Variants in HELZ observed in about 807,000 individuals in gnomAD.
HELZ encodes the protein ATP-dependent RNA helicase with zinc finger domain.
In HELZ, 23 loss-of-function variants were observed where a neutral mutation model predicts 218.2. The ratio of observed to expected loss-of-function variants is 0.11; its 90% CI spans 0.08 to 0.15. HELZ has a LOEUF of 0.15. HELZ is among the 10% of genes least tolerant of loss of function. The pLI is 1.00. For missense variants in HELZ, 1,813 were observed against 2,353.7 expected, an observed-to-expected ratio of 0.77 and a Z score of 4.75; for synonymous variants, 814 against 829.4, an observed-to-expected ratio of 0.98 and a Z score of 0.32.
intron 3 of HELZ, among the ~76,000 whole-genome samples, chr17:67,226,547 A>C (rs564252148): frequency 7.9e-5 from 12 of 152,324 alleles, no homozygotes; most frequent in African/African-American, 2.9e-4. Context: ...GCTAGTAGGA[A>C]TATAAAATGA....
chr17:67,178,351 A>G (rs530187426), intron 13 of HELZ, among the ~76,000 whole-genome samples: 2 of 152,272 alleles, frequency 1.3e-5, no homozygotes, highest in African/African-American at 4.8e-5. Context: ...ACTACCATTG[A>G]CTGAAAGCTT....
chr17:67,106,533 T>C (rs2037108954), intron 31 of HELZ, among the ~76,000 whole-genome samples: 1 of 152,244 alleles, frequency 6.6e-6, no homozygotes, highest in Non-Finnish European at 1.5e-5. Context: ...GGTCTCGATC[T>C]CCTGACCTCG....
At chr17:67,097,122 G>GGAACTAA (rs1213024739) in intron 31 of HELZ, among the ~76,000 whole-genome samples, 3 of 152,140 alleles carry the variant, frequency 2.0e-5, no homozygotes, top group African/African-American at 7.2e-5. Flanking sequence ...CTAAGTGATG[G>GGAACTAA]GGGAACAGCA....
intron 32 of HELZ, among the ~76,000 whole-genome samples, chr17:67,081,202 G>A (rs2036178604): frequency 6.6e-6 from 1 of 152,164 alleles, no homozygotes; most frequent in South Asian, 2.1e-4. Flanking sequence ...GCCCTTCAAT[G>A]ACTTTGTGAA....
At chr17:67,107,021 G>A in intron 31 of HELZ, 148 bp downstream of exon 31, 2 of 761,124 alleles carry the variant, frequency 2.6e-6, no homozygotes, top group Non-Finnish European at 4.1e-6. Context: ...ACAATAGGAG[G>A]GTGGCAATTA....
Position 67,212,558 on chromosome 17 carries a change from A to T in HELZ, c.247+3341T>A, listed in dbSNP as rs535528417. 2.6e-5 allele frequency among the ~76,000 whole-genome samples: 4 copies of T among 152,312 alleles called. No homozygotes were observed. The South Asian group carries it at 8.3e-4, about 32-fold the overall frequency. ...AAAGAAAAAAATTACATGTAACAGC[A>T]GAACTCTACAACTACTAATATACAT... is the stretch of plus-strand genomic sequence containing the variant. On this transcript the variant is annotated intron_variant, in intron 5 of 32. Coordinates refer to ENST00000358691, the MANE Select transcript of HELZ (RefSeq NM_014877.4).
intron 3 of HELZ, 126 bp from the exon 4 acceptor site, chr17:67,218,948 G>A (rs2040675953): frequency 1.6e-6 from 1 of 644,536 alleles, no homozygotes; most frequent in African/African-American, 1.8e-5. Context: ...TTTGATCAAG[G>A]TCACAGCTAA....
rs145072297 is a variant in HELZ at position 67,220,854 on chromosome 17, C to T, written c.-18-2032G>A. Among the ~76,000 whole-genome samples, 42 of 145,052 alleles carry T rather than the reference C, an allele frequency of 2.9e-4. 3 individuals are homozygous for T. The highest frequency in any genetic ancestry group is 1.0e-3 in the African/African-American group (41 of 39,472). Reference sequence around the variant, plus strand: ...AATTGTGTTATTAAGATAACTCCCCCCCCCCCAAAAAAAAAGAGTACTGTA... The same window carrying T: ...AATTGTGTTATTAAGATAACTCCCCTCCCCCCAAAAAAAAAGAGTACTGTA... On this transcript the variant is annotated intron_variant, in intron 3 of 32. Transcript: ENST00000358691.
Position 67,188,688 on chromosome 17 carries a change from G to T in HELZ, c.865-72C>A, listed in dbSNP as rs944496504. 1 of 1,237,994 alleles carries T rather than the reference G, an allele frequency of 8.1e-7. No individual in the cohort carries two copies. Among genetic ancestry groups the T allele is most frequent in the Admixed American group, 2.1e-5 (1 of 47,710 alleles). The allele number at this position is 1,237,994 out of a possible 1,614,324, so 76.7% of individuals were successfully genotyped here. On this transcript the variant is annotated intron_variant, in intron 11 of 32. Coordinates refer to ENST00000358691, the MANE Select transcript of HELZ (RefSeq NM_014877.4). This position sits in a 1 kb window ranked among gnomAD's most constrained non-coding sequence, Gnocchi z 4.1. ...TCCAATTGTAATTGGGCTCTTCAAT[G>T]AAAATATTTCCATAAGGGACTTTTA...
chr17:67,208,207 G>A (rs1321915336), intron 5 of HELZ, among the ~76,000 whole-genome samples: 1 of 152,004 alleles, frequency 6.6e-6, no homozygotes, highest in Non-Finnish European at 1.5e-5. Context: ...TAAAGGAATA[G>A]TACATTTCCT....
At chr17:67,091,384 T>C (rs551788919) in intron 31 of HELZ, among the ~76,000 whole-genome samples, 71 of 152,244 alleles carry the variant, frequency 4.7e-4, no homozygotes, top group African/African-American at 1.4e-3. Context: ...CCTTTCTACA[T>C]AGACTATATT....
chr17:67,125,029 G>A (rs1188050628), intron 24 of HELZ, among the ~76,000 whole-genome samples: 7 of 149,262 alleles, frequency 4.7e-5, no homozygotes, highest in African/African-American at 1.5e-4. Context: ...TCTACAGCAG[G>A]AAAAAAAAAT....
intron 31 of HELZ, among the ~76,000 whole-genome samples, chr17:67,094,410 A>G (rs2036676759): frequency 6.8e-6 from 1 of 148,092 alleles, no homozygotes; most frequent in South Asian, 2.2e-4. Flanking sequence ...AGAGAGAGAT[A>G]CAGACATACC....
chr17:67,223,216 C>T lies in HELZ; in HGVS notation c.-18-4394G>A, dbSNP rs571667766. ...CAGAGCTTGCAGTGAGCCGAGATCG[C>T]GCCACTGCACTCCAGCCTGGGCAAC... On this transcript the variant is annotated intron_variant, in intron 3 of 32. Coordinates refer to ENST00000358691, the MANE Select transcript of HELZ (RefSeq NM_014877.4). Among the ~76,000 whole-genome samples the T allele has an allele frequency of 5.3e-5, 8 of 151,678 alleles. No individual in the cohort carries two copies. The South Asian group carries it at 1.5e-3, about 28-fold the overall frequency.
chr17:67,171,324 C>A (rs2039305228), intron 13 of HELZ, among the ~76,000 whole-genome samples: 1 of 152,182 alleles, frequency 6.6e-6, no homozygotes, highest in South Asian at 2.1e-4. Flanking sequence ...ATATGCAAAA[C>A]TGACTACCTG....
chr17:67,128,554 T>C (rs1319967886), intron 24 of HELZ, 97 bp downstream of exon 24: 2 of 1,095,690 alleles, frequency 1.8e-6, no homozygotes, highest in Admixed American at 3.8e-5. Context: ...AACCTTCAAT[T>C]CCAACACTTA....
At position 67,109,619 on chromosome 17, in the gene HELZ, G is replaced by T; in HGVS notation, c.3986C>A (p.Thr1329Asn). The T allele has an allele frequency of 1.2e-6, 2 of 1,614,062 alleles. No individual in the cohort carries two copies. Among genetic ancestry groups the T allele is most frequent in the Non-Finnish European group, 1.7e-6 (2 of 1,180,000 alleles). ...GAGATTATCTTTGCGAGGAAATTTG[G>T]TACTGGGATAAACAACACTAGGACG... is the stretch of plus-strand genomic sequence containing the variant. ...ESRPSVVYPS[T>N]KFPRKDNLNP... Residue 1329 changes from threonine (T) to asparagine (N), a missense_variant, in exon 29 of 33, where the codon ACC becomes AAC. Coordinates refer to ENST00000358691, the MANE Select transcript of HELZ (RefSeq NM_014877.4).
intron 32 of HELZ, among the ~76,000 whole-genome samples, chr17:67,083,705 T>C (rs117463874): frequency 0.011 from 1,669 of 152,334 alleles, 19 homozygotes; most frequent in South Asian, 0.018. Context: ...AAAGAAAATG[T>C]CTGCTAAAGT....
intron 32 of HELZ, among the ~76,000 whole-genome samples, chr17:67,085,039 G>A (rs944359623): frequency 4.6e-5 from 7 of 151,832 alleles, no homozygotes; most frequent in African/African-American, 1.2e-4. Flanking sequence ...CCCGGATGGC[G>A]GAGGTTGCAG....
Sources: allele counts gnomAD v4.1 joint callset (sites outside exome capture counted in the v4.1 genomes callset), GRCh38; gene constraint gnomAD v4.1.1; non-coding constraint Gnocchi (gnomAD v3.1); transcripts MANE v1.5; gene names NCBI Gene and HGNC (gene_info 2026-07-23, HGNC 2026-07-21).